GRIN2B: variants seen among roughly 807,000 people sequenced by gnomAD.
The protein encoded by GRIN2B is glutamate receptor ionotropic, NMDA 2B.
GRIN2B carries 5 observed loss-of-function variants against 114.5 expected under a neutral mutation model. That is an observed-to-expected ratio of 0.04 (90% CI 0.02 to 0.09). The LOEUF (loss-of-function observed/expected upper bound fraction) is 0.09. Among genes scored for constraint, GRIN2B ranks in the 10% least tolerant of loss-of-function variants. The pLI, the probability that GRIN2B is intolerant of heterozygous loss-of-function variation, is 1.00. For missense variants in GRIN2B, 1,108 were observed against 1,943.5 expected (o/e 0.57, Z 8.08); for synonymous variants, 787 against 745.1 (o/e 1.06, Z -0.92).
At chr12:13,882,581 T>C (rs1866088036) in intron 2 of GRIN2B, among the ~76,000 whole-genome samples, 2 of 152,082 alleles carry the variant, frequency 1.3e-5, no homozygotes, top group Non-Finnish European at 2.9e-5. Context: ...TAAGCAACAA[T>C]GCCTCTTTCA....
At chr12:13,689,741 C>G (rs982323637) in intron 4 of GRIN2B, among the ~76,000 whole-genome samples, 11 of 152,268 alleles carry the variant, frequency 7.2e-5, no homozygotes, top group African/African-American at 2.4e-4. Flanking sequence ...ATCTCTACAC[C>G]CTGGTCCCTT....
chr12:13,865,649 A>C, intron 3 of GRIN2B, 149 bp downstream of exon 3: 1 of 787,454 alleles, frequency 1.3e-6, no homozygotes, highest in East Asian at 2.4e-5. Context: ...AGAGAGAGAA[A>C]AAAAAAGGAT....
chr12:13,887,101 T>C (rs1165777528), intron 2 of GRIN2B, among the ~76,000 whole-genome samples: 1 of 152,104 alleles, frequency 6.6e-6, no homozygotes, highest in East Asian at 1.9e-4. Context: ...CTATATATCC[T>C]CTCAGATGTT....
chr12:13,708,896 C>T (rs1477114349), intron 4 of GRIN2B, among the ~76,000 whole-genome samples: 5 of 152,010 alleles, frequency 3.3e-5, no homozygotes, highest in African/African-American at 4.8e-5. Context: ...ACCTGGGATA[C>T]ATAGAACAAA....
Position 13,563,524 on chromosome 12 carries a change from C to T in GRIN2B, c.3714G>A (p.Ala1238=). Residue 1238 remains alanine, a synonymous_variant, in exon 14 of 14, where the codon GCG becomes GCA. Transcript: ENST00000609686. ...TVTGQNSGRQ[A]CIRCEACKKA... is the part of the protein sequence containing the mutation. ...TCTTGCAAGCCTCACACCGGATGCA[C>T]GCCTGCCTGCCCGAGTTCTGACCCG... The T allele has an allele frequency of 6.2e-7, 1 of 1,614,116 alleles. No individual in the cohort carries two copies. Among genetic ancestry groups the T allele is most frequent in the Non-Finnish European group, 8.5e-7 (1 of 1,180,038 alleles).
At chr12:13,870,147 C>T (rs1426615547) in intron 2 of GRIN2B, among the ~76,000 whole-genome samples, 1 of 152,066 alleles carries the variant, frequency 6.6e-6, no homozygotes, top group Non-Finnish European at 1.5e-5. Flanking sequence ...GTTCCCTGAG[C>T]GATATAACTC....
intron 3 of GRIN2B, among the ~76,000 whole-genome samples, chr12:13,795,930 CG>C (rs1344070181): frequency 7.9e-5 from 12 of 151,522 alleles, no homozygotes; most frequent in African/African-American, 2.9e-4. Context: ...CAGGGCCTGT[CG>C]TGGGGTGAGG....
intron 5 of GRIN2B, among the ~76,000 whole-genome samples, chr12:13,674,770 G>A (rs953338128): frequency 1.3e-5 from 2 of 152,036 alleles, no homozygotes; most frequent in Admixed American, 1.3e-4. Context: ...GAACAAAGGG[G>A]TCTCAAGGTA....
intron 2 of GRIN2B, among the ~76,000 whole-genome samples, chr12:13,888,192 G>A (rs958644556): frequency 1.3e-5 from 2 of 152,122 alleles, no homozygotes; most frequent in Middle Eastern, 3.2e-3. Flanking sequence ...CACGCCCTGA[G>A]AAATGTGTTG....
intron 2 of GRIN2B, among the ~76,000 whole-genome samples, chr12:13,929,362 A>T (rs532779601): frequency 6.6e-6 from 1 of 152,124 alleles, no homozygotes; most frequent in East Asian, 1.9e-4. Flanking sequence ...AAAAAAATAC[A>T]GTATGTGATC....
At chr12:13,571,341 A>G (rs1948706111) in intron 11 of GRIN2B, among the ~76,000 whole-genome samples, 1 of 152,172 alleles carries the variant, frequency 6.6e-6, no homozygotes, top group African/African-American at 2.4e-5. Flanking sequence ...AGGACAGAGT[A>G]TGTTAACACA....
chr12:13,902,448 A>G (rs114018537), intron 2 of GRIN2B, among the ~76,000 whole-genome samples: 1,896 of 152,304 alleles, frequency 0.012, 45 homozygotes, highest in African/African-American at 0.043. Context: ...TAAAAAATGA[A>G]CCAAAAAAAC....
intron 3 of GRIN2B, among the ~76,000 whole-genome samples, chr12:13,822,463 A>G (rs1309443544): frequency 1.3e-5 from 2 of 152,206 alleles, no homozygotes; most frequent in African/African-American, 4.8e-5. Flanking sequence ...CTATTTGGTA[A>G]GATGCAGTGT....
At chr12:13,735,259 A>G (rs7133408) in intron 4 of GRIN2B, among the ~76,000 whole-genome samples, 2,379 of 152,304 alleles carry the variant, frequency 0.016, 68 homozygotes, top group African/African-American at 0.054. Flanking sequence ...ACTACTATAG[A>G]CACTTTGAAG....
chr12:13,586,565 A>C (rs1251183484), intron 10 of GRIN2B, among the ~76,000 whole-genome samples: 1 of 152,188 alleles, frequency 6.6e-6, no homozygotes, highest in East Asian at 1.9e-4. Flanking sequence ...CCGAGGAATA[A>C]TCAGGGGCTT....
At chr12:13,614,801 C>A (rs1332839042) in intron 8 of GRIN2B, among the ~76,000 whole-genome samples, 1 of 152,192 alleles carries the variant, frequency 6.6e-6, no homozygotes, top group African/African-American at 2.4e-5. Flanking sequence ...AACCAAGTCC[C>A]CAGATACAGC....
At chr12:13,705,214 A>G (rs750745685) in intron 4 of GRIN2B, among the ~76,000 whole-genome samples, 1 of 152,032 alleles carries the variant, frequency 6.6e-6, no homozygotes, top group Non-Finnish European at 1.5e-5. Context: ...TTTCCCTATT[A>G]CCCATTATCT....
In GRIN2B at chr12:13,553,731, A is replaced by G. The variant is rs1047047434; in HGVS notation, c.*9052T>C. 7.9e-5 allele frequency: 12 copies of G among 152,330 alleles called. No homozygotes were observed. Among genetic ancestry groups the G allele is most frequent in the African/African-American group, 2.9e-4 (12 of 41,572 alleles). 9.4% of individuals were successfully genotyped at this position (152,330 alleles called of 1,614,324 possible). ...GTCCCAGCATGGATCAGGTTATTAGAGACTCAATCTTGGTAGTAAAGTGTC... is the reference window on the plus strand; with the variant it reads ...GTCCCAGCATGGATCAGGTTATTAGGGACTCAATCTTGGTAGTAAAGTGTC... On this transcript the variant is annotated 3_prime_UTR_variant, in exon 14 of 14. Transcript: ENST00000609686.
intron 2 of GRIN2B, among the ~76,000 whole-genome samples, chr12:13,871,122 A>C (rs1865898475): frequency 6.6e-6 from 1 of 152,216 alleles, no homozygotes. Flanking sequence ...TCCAACTGAC[A>C]AAAGATCTTA....
Sources: gnomAD v4.1 joint callset for allele counts (sites outside exome capture counted in the v4.1 genomes callset) on GRCh38, gnomAD v4.1.1 for gene constraint, MANE v1.5 for transcripts, NCBI Gene and HGNC (gene_info 2026-07-23, HGNC 2026-07-21) for gene names.